Variants in EYS observed in about 807,000 individuals in gnomAD.
EYS encodes protein eyes shut homolog.
In EYS, 250 loss-of-function variants were observed where a neutral mutation model predicts 282.1. That is an observed-to-expected ratio of 0.89 (90% CI 0.80 to 0.98). The LOEUF (loss-of-function observed/expected upper bound fraction) is 0.98. Ranked by LOEUF, EYS falls within the 50% of genes least tolerant of loss-of-function variation. The pLI, the probability that EYS is intolerant of heterozygous loss-of-function variation, is 0.00. For missense variants in EYS, 4,016 were observed against 3,709.0 expected (o/e 1.08, Z -2.15); for synonymous variants, 1,355 against 1,282.9 (o/e 1.06, Z -1.20).
chr6:64,448,690 C>A, intron 26 of EYS, among the ~76,000 whole-genome samples: 1 of 152,138 alleles, frequency 6.6e-6, no homozygotes, highest in East Asian at 1.9e-4. Context: ...GCAGCATTTG[C>A]GGTTCACCAA....
chr6:63,753,610 CATT>C lies in EYS; in HGVS notation c.8071+8848_8071+8850del, dbSNP rs557810105. Among the ~76,000 whole-genome samples, 221 of 152,174 alleles carry C rather than the reference CATT, an allele frequency of 1.5e-3. 1 individual carries two copies. Among genetic ancestry groups the C allele is most frequent in the Middle Eastern group, 6.8e-3 (2 of 294 alleles). ...CCATCAGATCTCATGAGAACTCACT[CATT>C]ATCATAAGAATAGCATGGGGAAAAC... On this transcript the variant is annotated intron_variant, in intron 41 of 42. Coordinates refer to ENST00000503581, the MANE Select transcript of EYS (RefSeq NM_001142800.2).
intron 26 of EYS, among the ~76,000 whole-genome samples, chr6:64,464,255 G>A (rs943004213): frequency 3.9e-5 from 6 of 152,038 alleles, no homozygotes; most frequent in Admixed American, 6.5e-5. Flanking sequence ...ACATTCCTTC[G>A]TGATAAAAAA....
At chr6:64,885,111 C>A (rs797017948) in intron 19 of EYS, among the ~76,000 whole-genome samples, 9 of 151,610 alleles carry the variant, frequency 5.9e-5, no homozygotes, top group African/African-American at 1.7e-4. Flanking sequence ...GTCACTGGAC[C>A]AACAACCATT....
intron 13 of EYS, among the ~76,000 whole-genome samples, chr6:65,047,714 T>C (rs1224370107): frequency 1.3e-5 from 2 of 151,958 alleles, no homozygotes; most frequent in Non-Finnish European, 2.9e-5. Context: ...CAAGAGATGA[T>C]GCAATTGAAC....
chr6:63,933,980 G>A (rs1315113109), intron 35 of EYS, among the ~76,000 whole-genome samples: 1 of 152,140 alleles, frequency 6.6e-6, no homozygotes, highest in East Asian at 1.9e-4. Context: ...TACAGAATGG[G>A]AGAAAATTTT....
chr6:65,166,841 T>A (rs913766383), intron 12 of EYS, among the ~76,000 whole-genome samples: 3 of 150,972 alleles, frequency 2.0e-5, no homozygotes, highest in Non-Finnish European at 4.5e-5. Flanking sequence ...AAGATAACAA[T>A]AAAAAGGCAA....
chr6:64,212,780 AATG>A (rs1765818610), intron 31 of EYS, among the ~76,000 whole-genome samples: 1 of 152,128 alleles, frequency 6.6e-6, no homozygotes, highest in African/African-American at 2.4e-5. Flanking sequence ...AAAGAATATA[AATG>A]ATTCTATTAT....
chr6:64,593,202 G>A lies in EYS; in HGVS notation c.3792C>T (p.Pro1264=), dbSNP rs551318605. 12 of 1,549,898 alleles carry A rather than the reference G, an allele frequency of 7.7e-6. No individual in the cohort carries two copies. In the Admixed American group the frequency reaches 9.9e-5, roughly 13 times the overall value. Residue 1264 remains proline, a synonymous_variant, in exon 25 of 43, where the codon CCC becomes CCT. Transcript: ENST00000503581. The part of the protein sequence containing the change: ...DPISTQTYTI[P]PSETLVSSFP... ...AGCTGCTGACCAAAGTCTCAGAAGG[G>A]GGAATTGTATATGTCTGTGTGGAAA...
Position 64,896,161 on chromosome 6 carries a change from T to C in EYS, c.2846+5952A>G, listed in dbSNP as rs570051597. The stretch of plus-strand genomic sequence containing the variant: ...ACTCAGCAAGATGGCAGAATAGGAA[T>C]AGCTCAGGTCTGCAGCTCCCAGAGA... On this transcript the variant is annotated intron_variant, in intron 18 of 42. Transcript: ENST00000503581. Among the ~76,000 whole-genome samples the C allele has an allele frequency of 2.0e-3, 303 of 152,254 alleles. 1 individual carries two copies. The highest frequency in any genetic ancestry group is 6.9e-3 in the African/African-American group (288 of 41,542).
intron 2 of EYS, among the ~76,000 whole-genome samples, chr6:65,538,196 T>C (rs994893218): frequency 3.3e-5 from 5 of 152,098 alleles, no homozygotes; most frequent in Admixed American, 1.3e-4. Flanking sequence ...ATGGTAAGGA[T>C]ATAAGTTGAA....
chr6:64,209,594 G>T (rs1310678992), intron 31 of EYS, among the ~76,000 whole-genome samples: 1 of 152,068 alleles, frequency 6.6e-6, no homozygotes, highest in African/African-American at 2.4e-5. Flanking sequence ...TTCTATTCTT[G>T]ATTATATTCT....
chr6:64,137,833 G>A (rs903763902), intron 31 of EYS, among the ~76,000 whole-genome samples: 1 of 151,978 alleles, frequency 6.6e-6, no homozygotes, highest in East Asian at 1.9e-4. Flanking sequence ...TCAAAATGTG[G>A]CACAGAAATG....
intron 29 of EYS, among the ~76,000 whole-genome samples, chr6:64,338,427 G>C (rs57562167): frequency 0.031 from 4,732 of 151,720 alleles, 233 homozygotes; most frequent in African/African-American, 0.11. Flanking sequence ...TAACCAAGGA[G>C]GTGAAAAACC....
In EYS at chr6:64,281,140, A is replaced by T. The variant is rs768779176; in HGVS notation, c.6191+25830T>A. On this transcript the variant is annotated intron_variant, in intron 30 of 42. Transcript: ENST00000503581. ...AAAAATTGATATACTTAATGCCTGG[A>T]CACTGCAATCCTTTAATTGGCTTTA... Among the ~76,000 whole-genome samples, 10 of 152,140 alleles carry T rather than the reference A, an allele frequency of 6.6e-5. No individual in the cohort carries two copies. In the South Asian group the frequency reaches 8.3e-4, roughly 13 times the overall value.
chr6:64,687,605 G>A (rs753510935), intron 22 of EYS, among the ~76,000 whole-genome samples: 3 of 152,052 alleles, frequency 2.0e-5, no homozygotes, highest in East Asian at 1.9e-4. Flanking sequence ...TTTGATATGC[G>A]GCTGGATTCG....
intron 34 of EYS, among the ~76,000 whole-genome samples, chr6:63,992,162 G>A (rs1390743650): frequency 6.6e-6 from 1 of 151,710 alleles, no homozygotes; most frequent in Non-Finnish European, 1.5e-5. Flanking sequence ...TATAAAGCTG[G>A]CTAAAAATGG....
At chr6:65,645,224 A>G (rs1767410822) in intron 1 of EYS, among the ~76,000 whole-genome samples, 1 of 152,206 alleles carries the variant, frequency 6.6e-6, no homozygotes, top group Non-Finnish European at 1.5e-5. Context: ...CAACAACTGC[A>G]GGATATACAT....
chr6:64,016,686 G>A (rs1768908836), intron 33 of EYS, among the ~76,000 whole-genome samples: 1 of 151,938 alleles, frequency 6.6e-6, no homozygotes. Flanking sequence ...ATGCTGCCAA[G>A]GCTGGCCTCA....
chr6:64,095,395 CTT>C (rs747799161), intron 31 of EYS, among the ~76,000 whole-genome samples: 12 of 152,048 alleles, frequency 7.9e-5, no homozygotes, highest in Non-Finnish European at 1.8e-4. Flanking sequence ...GTCTAAGTCT[CTT>C]TGTAGGTCTC....
Sources: gnomAD v4.1 joint callset for allele counts (sites outside exome capture counted in the v4.1 genomes callset) on GRCh38, gnomAD v4.1.1 for gene constraint, MANE v1.5 for transcripts, NCBI Gene and HGNC (gene_info 2026-07-23, HGNC 2026-07-21) for gene names.